The following SYNDIG1 variants were observed in gnomAD, a reference collection of about 807,000 sequenced individuals.
SYNDIG1 encodes the protein synapse differentiation-inducing gene protein 1.
In SYNDIG1, 9 loss-of-function variants were observed where a neutral mutation model predicts 19.4. That is an observed-to-expected ratio of 0.46 (90% confidence interval 0.28 to 0.81). The LOEUF is 0.81. Among genes scored for constraint, SYNDIG1 ranks in the 30% least tolerant of loss-of-function variants. The pLI is 0.12. For missense variants in SYNDIG1, 311 were observed against 343.3 expected (o/e 0.91, Z 0.74); for synonymous variants, 141 against 145.9 (o/e 0.97, Z 0.24).
chr20:24,476,997 A>G (rs2055646853), intron 1 of SYNDIG1, among the ~76,000 whole-genome samples: 2 of 151,852 alleles, frequency 1.3e-5, no homozygotes, highest in African/African-American at 2.4e-5. Context: ...GGAGCCCTAG[A>G]TATATTTGAG....
chr20:24,559,791 C>T (rs956508362), intron 2 of SYNDIG1, among the ~76,000 whole-genome samples: 1 of 152,168 alleles, frequency 6.6e-6, no homozygotes, highest in Non-Finnish European at 1.5e-5. Flanking sequence ...ACATGTCACT[C>T]TGTTGCCTTC....
chr20:24,516,283 A>G (rs2056862502), intron 1 of SYNDIG1, among the ~76,000 whole-genome samples: 1 of 152,226 alleles, frequency 6.6e-6, no homozygotes, highest in South Asian at 2.1e-4. Context: ...TAAGGACTTC[A>G]TGTCTAAAAC....
At chr20:24,551,428 T>C (rs2057704556) in intron 2 of SYNDIG1, among the ~76,000 whole-genome samples, 1 of 152,220 alleles carries the variant, frequency 6.6e-6, no homozygotes, top group Admixed American at 6.5e-5. Flanking sequence ...TCTTTTCAAA[T>C]AGCTGACTTC....
Position 24,502,825 on chromosome 20 carries a change from A to G in SYNDIG1, c.-79+33072A>G, listed in dbSNP as rs1180508181. Among the ~76,000 whole-genome samples, 7 of 152,248 alleles carry G rather than the reference A, an allele frequency of 4.6e-5. No individual in the cohort carries two copies. In the South Asian group the frequency reaches 8.3e-4, roughly 18 times the overall value. On this transcript the variant is annotated intron_variant, in intron 1 of 3. Coordinates refer to ENST00000376862, the MANE Select transcript of SYNDIG1 (RefSeq NM_024893.3). ...AGGAAATAAAATACAAAGGTCACTG[A>G]AGAAGAGAAGAGTGACAGTACTGAT... is the stretch of plus-strand genomic sequence containing the variant.
At chr20:24,505,418 G>T (rs902790163) in intron 1 of SYNDIG1, among the ~76,000 whole-genome samples, 11 of 152,264 alleles carry the variant, frequency 7.2e-5, no homozygotes, top group South Asian at 6.2e-4. Flanking sequence ...GAAGAGGGGG[G>T]CTCAGAGTGG....
At chr20:24,578,325 C>T (rs2058262661) in intron 2 of SYNDIG1, among the ~76,000 whole-genome samples, 2 of 151,994 alleles carry the variant, frequency 1.3e-5, no homozygotes, top group Non-Finnish European at 2.9e-5. Flanking sequence ...TACCTGTAAT[C>T]CCAGCTACTC....
intron 2 of SYNDIG1, among the ~76,000 whole-genome samples, chr20:24,550,570 G>A (rs376265712): frequency 4.6e-5 from 7 of 150,990 alleles, no homozygotes; most frequent in Non-Finnish European, 7.4e-5. Context: ...GTGCAGTGGC[G>A]CGATCTTGGC....
chr20:24,617,065 T>C (rs1046770372), intron 3 of SYNDIG1, among the ~76,000 whole-genome samples: 1 of 152,158 alleles, frequency 6.6e-6, no homozygotes, highest in African/African-American at 2.4e-5. Context: ...TCCCTCTTCC[T>C]GTAGCTGCTT....
chr20:24,551,162 A>G (rs1369579113), intron 2 of SYNDIG1, among the ~76,000 whole-genome samples: 2 of 152,230 alleles, frequency 1.3e-5, no homozygotes, highest in Non-Finnish European at 2.9e-5. Context: ...ATTTTCAATT[A>G]CTGAACTGAT....
rs558502840 is a variant in SYNDIG1 at position 24,509,086 on chromosome 20, C to T, written c.-78-33934C>T. On this transcript the variant is annotated intron_variant, in intron 1 of 3. Transcript: ENST00000376862. ...GGTTTACTGTTTGATGTCCCTTGGTCCCTGTAATTTTAGCAGAAACCCCTG... is the reference window on the plus strand; with the variant it reads ...GGTTTACTGTTTGATGTCCCTTGGTTCCTGTAATTTTAGCAGAAACCCCTG... 3.3e-5 allele frequency among the ~76,000 whole-genome samples: 5 copies of T among 152,298 alleles called. No homozygotes were observed. The South Asian group carries it at 1.0e-3, about 32-fold the overall frequency.
chr20:24,574,858 A>G (rs1055066277), intron 2 of SYNDIG1, among the ~76,000 whole-genome samples: 4 of 152,218 alleles, frequency 2.6e-5, no homozygotes, highest in African/African-American at 9.6e-5. Flanking sequence ...CTTCCAGAAC[A>G]TTACAGATCC....
intron 1 of SYNDIG1, among the ~76,000 whole-genome samples, chr20:24,481,377 C>T (rs768885687): frequency 1.3e-5 from 2 of 152,128 alleles, no homozygotes; most frequent in African/African-American, 2.4e-5. Flanking sequence ...TGGGCTCACT[C>T]GAAGCCTGGA....
intron 2 of SYNDIG1, among the ~76,000 whole-genome samples, chr20:24,582,175 G>A (rs2058337448): frequency 1.6e-5 from 2 of 127,774 alleles, no homozygotes; most frequent in Admixed American, 9.1e-5. Flanking sequence ...CCTCCCGATT[G>A]CAAGTCCTCC....
chr20:24,547,550 T>G (rs1224554456), intron 2 of SYNDIG1, among the ~76,000 whole-genome samples: 2 of 152,080 alleles, frequency 1.3e-5, no homozygotes, highest in African/African-American at 4.8e-5. Flanking sequence ...GCCATGCCGC[T>G]CATTATCTAG....
chr20:24,525,889 A>G (rs2057114052), intron 1 of SYNDIG1, among the ~76,000 whole-genome samples: 1 of 152,224 alleles, frequency 6.6e-6, no homozygotes, highest in Non-Finnish European at 1.5e-5. Context: ...TTTGCTTTAT[A>G]TAATGTGATA....
Position 24,620,663 on chromosome 20 carries a change from T to C in SYNDIG1, c.618+35670T>C, listed in dbSNP as rs190385332. On this transcript the variant is annotated intron_variant, in intron 3 of 3. Coordinates refer to ENST00000376862, the MANE Select transcript of SYNDIG1 (RefSeq NM_024893.3). ...TAGGAGGAGACATAGATGTCAAGGC[T>C]CTGGAAGATTATAAGGGATGGGAAA... is the stretch of plus-strand genomic sequence containing the variant. Among the ~76,000 whole-genome samples the C allele has an allele frequency of 5.9e-5, 9 of 152,312 alleles. No individual in the cohort carries two copies. The East Asian group carries it at 1.7e-3, about 29-fold the overall frequency.
chr20:24,644,711 A>G (rs1319722806), intron 3 of SYNDIG1, among the ~76,000 whole-genome samples: 4 of 152,226 alleles, frequency 2.6e-5, no homozygotes, highest in Admixed American at 6.5e-5. Context: ...GCTATCTGAG[A>G]GAAGTTACAT....
chr20:24,588,930 G>A (rs982956641), intron 3 of SYNDIG1, among the ~76,000 whole-genome samples: 2 of 150,756 alleles, frequency 1.3e-5, no homozygotes, highest in Non-Finnish European at 3.0e-5. Context: ...TGCCTTCTCT[G>A]GGGGAGGCAT....
intron 2 of SYNDIG1, among the ~76,000 whole-genome samples, chr20:24,555,562 A>G (rs1030861939): frequency 4.6e-5 from 7 of 152,208 alleles, no homozygotes; most frequent in East Asian, 1.9e-4. Flanking sequence ...TTCATTATGT[A>G]CGCAGTAGTC....
Sources: allele counts gnomAD v4.1 joint callset (sites outside exome capture counted in the v4.1 genomes callset), GRCh38; gene constraint gnomAD v4.1.1; transcripts MANE v1.5; gene names NCBI Gene and HGNC (gene_info 2026-07-23, HGNC 2026-07-21).